CAPZA1: variants seen among roughly 807,000 people sequenced by gnomAD.
CAPZA1 encodes the protein F-actin-capping protein subunit alpha-1.
In CAPZA1, 10 loss-of-function variants were observed where a neutral mutation model predicts 40.8. That is an observed-to-expected ratio of 0.25 (90% CI 0.15 to 0.42). CAPZA1 has a LOEUF of 0.42. Among genes scored for constraint, CAPZA1 ranks in the 10% least tolerant of loss-of-function variants. The probability of loss-of-function intolerance (pLI) is 1.00; values close to 1 mark genes in which losing one functional copy is unlikely to be tolerated. For missense variants in CAPZA1, 277 were observed against 353.8 expected (o/e 0.78, Z 1.74); for synonymous variants, 98 against 115.0 (o/e 0.85, Z 0.95).
chr1:112,666,147 G>A (rs1671721450), intron 7 of CAPZA1, among the ~76,000 whole-genome samples: 2 of 152,118 alleles, frequency 1.3e-5, no homozygotes, highest in South Asian at 2.1e-4. Context: ...GTTCTTCACA[G>A]TCTGTGTTTC....
In CAPZA1 at chr1:112,654,524, A is replaced by T; in HGVS notation, c.279A>T (p.Lys93Asn). Residue 93 changes from lysine to asparagine, a missense_variant, in exon 5 of 10, where the codon AAA becomes AAT. Physicochemically the swap from Lys to Asn is moderately conservative, Grantham distance 94 (BLOSUM62 0). This residue lies in a region of CAPZA1 where 192 missense variants were observed against 277.2 expected (regional missense o/e 0.69). Transcript: ENST00000263168. The part of the protein sequence containing the change: ...GNSRFLDPRN[K>N]ISFKFDHLRK... ...GCAGATTTTTAGATCCAAGAAACAA[A>T]ATTTCCTTTAAATTTGACCACTTAC... is the stretch of plus-strand genomic sequence containing the variant. The T allele has an allele frequency of 6.2e-7, 1 of 1,614,096 alleles. No homozygotes were observed. Among genetic ancestry groups the T allele is most frequent in the South Asian group, 1.1e-5 (1 of 91,088 alleles).
At chr1:112,637,174 C>T (rs1454635560) in intron 1 of CAPZA1, among the ~76,000 whole-genome samples, 1 of 152,210 alleles carries the variant, frequency 6.6e-6, no homozygotes, top group African/African-American at 2.4e-5. Context: ...ACTTACACTC[C>T]CTGAACCTAT....
At chr1:112,663,826 T>C (rs1479530196) in intron 7 of CAPZA1, among the ~76,000 whole-genome samples, 2 of 152,184 alleles carry the variant, frequency 1.3e-5, no homozygotes, top group Non-Finnish European at 1.5e-5. Flanking sequence ...TTATATTGTC[T>C]TTTCTTCTTT....
At chr1:112,669,748 A>C in intron 9 of CAPZA1, 143 bp downstream of exon 9, 1 of 782,692 alleles carries the variant, frequency 1.3e-6, no homozygotes, top group Non-Finnish European at 2.1e-6. Flanking sequence ...CAGACCTTCC[A>C]AGTTGGCATT....
At chr1:112,624,023 A>AAAAAG (rs1310101616) in intron 1 of CAPZA1, among the ~76,000 whole-genome samples, 2 of 150,024 alleles carry the variant, frequency 1.3e-5, no homozygotes, top group African/African-American at 2.5e-5. Flanking sequence ...AAAAAAAAGA[A>AAAAAG]AAAAGAAAAG....
intron 2 of CAPZA1, among the ~76,000 whole-genome samples, chr1:112,648,858 G>A (rs1197000070): frequency 6.6e-6 from 1 of 152,074 alleles, no homozygotes; most frequent in Non-Finnish European, 1.5e-5. Flanking sequence ...AGCTGCTCGG[G>A]AGGCTGAGGC....
At chr1:112,648,733 T>G (rs1353240854) in intron 2 of CAPZA1, among the ~76,000 whole-genome samples, 1 of 151,526 alleles carries the variant, frequency 6.6e-6, no homozygotes, top group Non-Finnish European at 1.5e-5. Flanking sequence ...GAGGCCAAAG[T>G]GAGCAGATCG....
chr1:112,653,801 G>A (rs563511350), intron 4 of CAPZA1, 140 bp downstream of exon 4: 5 of 589,014 alleles, frequency 8.5e-6, no homozygotes, highest in African/African-American at 7.8e-5. Flanking sequence ...TACGTGTTAG[G>A]ATATTCTTCT....
At chr1:112,637,479 G>C (rs550712580) in intron 1 of CAPZA1, among the ~76,000 whole-genome samples, 23 of 152,338 alleles carry the variant, frequency 1.5e-4, no homozygotes, top group Non-Finnish European at 3.2e-4. Flanking sequence ...ACAGGCTCTT[G>C]CTCTATTGCA....
chr1:112,627,952 C>T (rs376663918), intron 1 of CAPZA1, among the ~76,000 whole-genome samples: 2 of 151,866 alleles, frequency 1.3e-5, no homozygotes, highest in South Asian at 4.1e-4. Flanking sequence ...AAGAGTGAAA[C>T]TCTGTCTCAA....
intron 8 of CAPZA1, among the ~76,000 whole-genome samples, chr1:112,668,610 C>T (rs868592266): frequency 6.6e-6 from 1 of 152,072 alleles, no homozygotes; most frequent in East Asian, 1.9e-4. Flanking sequence ...CTCAGGCTCC[C>T]GAGTAGCTGG....
chr1:112,626,134 G>C (rs1670801341), intron 1 of CAPZA1: 1 of 152,168 alleles, frequency 6.6e-6, no homozygotes, highest in African/African-American at 2.4e-5. Flanking sequence ...TCTAGAGGAA[G>C]GTCCTCATCA....
chr1:112,645,049 G>A (rs1344264871), intron 1 of CAPZA1, among the ~76,000 whole-genome samples: 1 of 152,218 alleles, frequency 6.6e-6, no homozygotes, highest in Non-Finnish European at 1.5e-5. Context: ...ATAGCACTGA[G>A]TATGAGCACT....
intron 1 of CAPZA1, among the ~76,000 whole-genome samples, chr1:112,646,978 G>A (rs552735186): frequency 2.6e-5 from 4 of 152,094 alleles, no homozygotes; most frequent in East Asian, 1.9e-4. Flanking sequence ...TTTGAAAGAC[G>A]AATTCAGATT....
chr1:112,641,981 T>TAA (rs74671105), intron 1 of CAPZA1, among the ~76,000 whole-genome samples: 10 of 151,048 alleles, frequency 6.6e-5, no homozygotes, highest in East Asian at 5.8e-4. Flanking sequence ...ATTTGTTGTT[T>TAA]AAAAAAAAAC....
chr1:112,649,308 A>G (rs973699576), intron 2 of CAPZA1, 110 bp from the exon 3 acceptor site: 95 of 746,246 alleles, frequency 1.3e-4, no homozygotes, highest in Non-Finnish European at 4.3e-5. Flanking sequence ...CATATAGTAC[A>G]CCTGAAGACT....
intron 1 of CAPZA1, among the ~76,000 whole-genome samples, chr1:112,636,148 C>G (rs1314867049): frequency 6.6e-6 from 1 of 152,146 alleles, no homozygotes; most frequent in Non-Finnish European, 1.5e-5. Context: ...AGGACATTTT[C>G]TTAAGATTCT....
intron 1 of CAPZA1, among the ~76,000 whole-genome samples, chr1:112,635,864 A>G (rs935448990): frequency 2.0e-5 from 3 of 152,130 alleles, no homozygotes; most frequent in Non-Finnish European, 2.9e-5. Flanking sequence ...CCCCACCTCT[A>G]CTAAAAATGC....
intron 1 of CAPZA1, among the ~76,000 whole-genome samples, chr1:112,624,541 G>A (rs1461316821): frequency 6.9e-6 from 1 of 145,950 alleles, no homozygotes. Context: ...CCAGGAGGCG[G>A]AGGTTGCAGT....
Sources: gnomAD v4.1 joint callset for allele counts (sites outside exome capture counted in the v4.1 genomes callset) on GRCh38, gnomAD v4.1.1 for gene constraint, gnomAD v4.1.1 regional missense constraint, MANE v1.5 for transcripts, NCBI Gene and HGNC (gene_info 2026-07-23, HGNC 2026-07-21) for gene names.